Variants in FKTN observed in about 807,000 individuals in gnomAD.
The protein encoded by FKTN is fukutin, also known as ribitol-5-phosphate transferase FKTN.
In FKTN, 47 loss-of-function variants were observed where a neutral mutation model predicts 58.6. The observed-to-expected ratio is 0.80, with a 90% CI of 0.63 to 1.02. FKTN has a LOEUF of 1.02. Among genes scored for constraint, FKTN ranks in the 50% least tolerant of loss-of-function variants. The pLI, the probability that FKTN is intolerant of heterozygous loss-of-function variation, is 0.00. For synonymous variants in FKTN, 178 were observed against 191.9 expected, an observed-to-expected ratio of 0.93 and a Z score of 0.60; for missense variants, 516 against 537.3, an observed-to-expected ratio of 0.96 and a Z score of 0.39.
At chr9:105,609,727 T>C (rs1286403479) in intron 7 of FKTN, among the ~76,000 whole-genome samples, 1 of 152,150 alleles carries the variant, frequency 6.6e-6, no homozygotes, top group East Asian at 1.9e-4. Flanking sequence ...TTATACTTCT[T>C]TAGAAGGTAT....
intron 10 of FKTN, among the ~76,000 whole-genome samples, chr9:105,621,572 A>G (rs1305661449): frequency 6.6e-6 from 1 of 152,046 alleles, no homozygotes; most frequent in Non-Finnish European, 1.5e-5. Context: ...CCCTTTACAG[A>G]GATAACCATG....
chr9:105,628,773 G>A (rs959248874), intron 10 of FKTN, among the ~76,000 whole-genome samples: 2 of 152,156 alleles, frequency 1.3e-5, no homozygotes, highest in African/African-American at 4.8e-5. Context: ...TAACATGGAT[G>A]AATTTCTAAA....
chr9:105,612,841 T>G (rs1293165557), intron 7 of FKTN, among the ~76,000 whole-genome samples: 2 of 152,110 alleles, frequency 1.3e-5, no homozygotes, highest in African/African-American at 2.4e-5. Context: ...GGTGTGCACT[T>G]GTAATCCCAG....
rs1426938126 is a variant in FKTN at position 105,581,631 on chromosome 9, C to A, written c.105+6494C>A. Among the ~76,000 whole-genome samples the A allele has an allele frequency of 2.0e-5, 3 of 152,300 alleles. No individual in the cohort carries two copies. In the South Asian group the frequency reaches 6.2e-4, roughly 32 times the overall value. On this transcript the variant is annotated intron_variant, in intron 3 of 10. Transcript: ENST00000357998. The stretch of plus-strand genomic sequence containing the variant: ...ACTGCTGTCTTTTTGTTTGTCTGTG[C>A]CCTGCCCCCAGAGGTGGAGCCTACA...
intron 1 of FKTN, among the ~76,000 whole-genome samples, chr9:105,570,077 C>T (rs1238438673): frequency 6.6e-6 from 1 of 151,646 alleles, no homozygotes; most frequent in Non-Finnish European, 1.5e-5. Context: ...TATTTTTAAA[C>T]GTTTATTTTT....
At chr9:105,601,095 CTG>C (rs762077744) in intron 4 of FKTN, 48 bp from the exon 5 acceptor site, 35 of 998,172 alleles carry the variant, frequency 3.5e-5, no homozygotes, top group South Asian at 2.9e-4. Flanking sequence ...ATAAAATAGA[CTG>C]TTGTGTTGGC....
At chr9:105,629,277 A>T (rs552839118) in intron 10 of FKTN, among the ~76,000 whole-genome samples, 1 of 152,332 alleles carries the variant, frequency 6.6e-6, no homozygotes, top group Admixed American at 6.5e-5. Context: ...TGCTAAGAGA[A>T]AAAGGGTCTG....
intron 3 of FKTN, among the ~76,000 whole-genome samples, chr9:105,580,258 G>T (rs1842625540): frequency 6.6e-6 from 1 of 152,112 alleles, no homozygotes; most frequent in African/African-American, 2.4e-5. Flanking sequence ...TTTCTTCCTA[G>T]TCTCGACGGT....
intron 5 of FKTN, 38 bp from the exon 6 acceptor site, chr9:105,604,177 G>A (rs749300981): frequency 3.1e-6 from 5 of 1,604,334 alleles, no homozygotes; most frequent in Non-Finnish European, 4.3e-6. Context: ...CAATGTTTAA[G>A]TGTTGTTTCT....
chr9:105,575,934 T>C (rs1226607692), intron 3 of FKTN, among the ~76,000 whole-genome samples: 1 of 152,016 alleles, frequency 6.6e-6, no homozygotes, highest in African/African-American at 2.4e-5. Flanking sequence ...TAGGCTGTTG[T>C]GATTTGACTT....
At chr9:105,627,543 A>G (rs907312774) in intron 10 of FKTN, among the ~76,000 whole-genome samples, 3 of 152,180 alleles carry the variant, frequency 2.0e-5, no homozygotes, top group African/African-American at 7.2e-5. Context: ...AATCCAGGAT[A>G]CCACATTGCA....
intron 8 of FKTN, among the ~76,000 whole-genome samples, chr9:105,616,465 T>C (rs558019174): frequency 6.8e-4 from 104 of 152,244 alleles, no homozygotes; most frequent in Non-Finnish European, 1.3e-3. Flanking sequence ...CATACAGACT[T>C]TTCTACAGTC....
rs1392706636 is a variant in FKTN, at chr9:105,573,314, CT to C, written c.-180-339del. 4.0e-5 allele frequency among the ~76,000 whole-genome samples: 6 copies of C among 151,834 alleles called. No individual in the cohort carries two copies. The East Asian group carries it at 1.2e-3, about 30-fold the overall frequency. ...TAACAGAAAAAATATTTAAGAAAAC[CT>C]TCTGCAAAGAAAAGACATCTTTAGG... On this transcript the variant is annotated intron_variant, in intron 1 of 10. Coordinates refer to ENST00000357998, the MANE Select transcript of FKTN (RefSeq NM_001079802.2).
intron 1 of FKTN, among the ~76,000 whole-genome samples, chr9:105,566,866 C>T (rs919670351): frequency 2.0e-5 from 3 of 152,140 alleles, no homozygotes; most frequent in Non-Finnish European, 4.4e-5. Context: ...AGATCAATAT[C>T]CCTGATGAAC....
At chr9:105,598,820 C>T (rs534069927) in intron 4 of FKTN, 2 of 152,164 alleles carry the variant, frequency 1.3e-5, no homozygotes, top group African/African-American at 4.8e-5. Flanking sequence ...ATCCATTCAA[C>T]AAACATTAAA....
At chr9:105,624,050 A>T (rs1832406423) in intron 10 of FKTN, among the ~76,000 whole-genome samples, 1 of 152,228 alleles carries the variant, frequency 6.6e-6, no homozygotes, top group Non-Finnish European at 1.5e-5. Flanking sequence ...ATAGATACCC[A>T]AAGGTAGAAT....
At chr9:105,596,688 T>G (rs770245050) in intron 4 of FKTN, 31 bp downstream of exon 4, 3 of 1,415,730 alleles carry the variant, frequency 2.1e-6, no homozygotes, top group East Asian at 4.6e-5. Context: ...ATTTCTCAAT[T>G]ATAATGTTCA....
At chr9:105,610,478 C>T (rs1014660502) in intron 7 of FKTN, among the ~76,000 whole-genome samples, 1 of 152,010 alleles carries the variant, frequency 6.6e-6, no homozygotes, top group African/African-American at 2.4e-5. Flanking sequence ...CTCCCATTGA[C>T]CTTAATGTTT....
rs981914697 is a variant in FKTN, at chr9:105,635,751, G to T, written c.*487G>T. On this transcript the variant is annotated 3_prime_UTR_variant, in exon 11 of 11. Transcript: ENST00000357998. ...TTGTGGAGTCTGAGTTAATATTCAAGTGATCAGACTTTGAGTGACATCAAG... is the reference window on the plus strand; with the variant it reads ...TTGTGGAGTCTGAGTTAATATTCAATTGATCAGACTTTGAGTGACATCAAG... The T allele has an allele frequency of 6.9e-6, 7 of 1,011,788 alleles. No individual in the cohort carries two copies. The African/African-American group carries it at 1.0e-4, about 15-fold the overall frequency. 62.7% of individuals were successfully genotyped at this position (1,011,788 alleles called of 1,614,324 possible).
Sources: gnomAD v4.1 joint callset for allele counts (sites outside exome capture counted in the v4.1 genomes callset) on GRCh38, gnomAD v4.1.1 for gene constraint, MANE v1.5 for transcripts, NCBI Gene and HGNC (gene_info 2026-07-23, HGNC 2026-07-21) for gene names.